Variants in MBTD1 observed in about 807,000 individuals in gnomAD.
The protein encoded by MBTD1 is mbt domain containing 1.
Under a neutral mutation model 87.8 loss-of-function variants are expected in MBTD1, and 24 were observed. The ratio of observed to expected loss-of-function variants is 0.27; its 90% CI spans 0.20 to 0.38. The LOEUF (loss-of-function observed/expected upper bound fraction) is 0.38, where lower values mean the gene tolerates loss of function less well. Among genes scored for constraint, MBTD1 ranks in the 10% least tolerant of loss-of-function variants. The pLI is 1.00. For missense variants in MBTD1, 436 were observed against 760.2 expected, an observed-to-expected ratio of 0.57 and a Z score of 5.02; for synonymous variants, 237 against 248.6, an observed-to-expected ratio of 0.95 and a Z score of 0.44.
intron 2 of MBTD1, among the ~76,000 whole-genome samples, chr17:51,257,745 T>C (rs2055176132): frequency 6.6e-6 from 1 of 152,202 alleles, no homozygotes; most frequent in African/African-American, 2.4e-5. Flanking sequence ...AATTAAAATG[T>C]TAAAAACACT....
intron 6 of MBTD1, chr17:51,209,400 G>A (rs777243671): frequency 8.5e-6 from 4 of 471,060 alleles, no homozygotes; most frequent in African/African-American, 4.0e-5. Context: ...AGGGCCACTC[G>A]TGAGGGCTAT....
At position 51,225,173 on chromosome 17, in the gene MBTD1, CTCT is replaced by C. The variant is rs771881088; in HGVS notation, c.-15_-13del. On this transcript the variant is annotated 5_prime_UTR_variant, in exon 3 of 17. Transcript: ENST00000586178. ...TAACCGTCAAACATCCCGAAAGAATCTCTTCTTTTCCTTTCAGATCGTGAAGAA... is the reference window on the plus strand; with the variant it reads ...TAACCGTCAAACATCCCGAAAGAATCTCTTTTCCTTTCAGATCGTGAAGAA... 3.8e-5 allele frequency: 58 copies of C among 1,537,388 alleles called. No individual in the cohort carries two copies. The South Asian group carries it at 6.7e-4, about 18-fold the overall frequency.
In MBTD1 at chr17:51,259,927, T is replaced by C. The variant is rs1037317624; in HGVS notation, c.-205A>G. The stretch of plus-strand genomic sequence containing the variant: ...GCCCCCTCCCCGGGCTGGGGGCAGG[T>C]GCCTCTCCCCGGGACTGCGGCGACT... On this transcript the variant is annotated 5_prime_UTR_variant, in exon 1 of 17. Coordinates refer to ENST00000586178, the MANE Select transcript of MBTD1 (RefSeq NM_017643.3). 3.0e-5 allele frequency: 36 copies of C among 1,217,252 alleles called. No individual in the cohort carries two copies. Among genetic ancestry groups the C allele is most frequent in the Non-Finnish European group, 3.4e-5 (33 of 974,714 alleles). 75.4% of individuals were successfully genotyped at this position (1,217,252 alleles called of 1,614,324 possible).
At chr17:51,240,277 A>G (rs965579831) in intron 2 of MBTD1, among the ~76,000 whole-genome samples, 1 of 152,218 alleles carries the variant, frequency 6.6e-6, no homozygotes. Context: ...ACTGATAGGT[A>G]CACTGTCATT....
Position 51,259,843 on chromosome 17 carries a change from T to A in MBTD1, c.-121A>T. On this transcript the variant is annotated 5_prime_UTR_variant, in exon 1 of 17. It introduces an in-frame stop codon into an upstream open reading frame of the 5' UTR. Transcript: ENST00000586178. ...CCGCGCTCGGCTCTCACCAGATCCT[T>A]TGTGTTTTCCATCAGGGCCTCATGG... The A allele has an allele frequency of 8.1e-7, 1 of 1,231,774 alleles. No homozygotes were observed. The highest frequency in any genetic ancestry group is 1.0e-6 in the Non-Finnish European group (1 of 987,830). The allele number at this position is 1,231,774 out of a possible 1,614,324, so 76.3% of individuals were successfully genotyped here.
chr17:51,228,756 G>T (rs967090409), intron 2 of MBTD1, among the ~76,000 whole-genome samples: 4 of 151,782 alleles, frequency 2.6e-5, no homozygotes, highest in Admixed American at 6.6e-5. Flanking sequence ...AATTAGCCGG[G>T]AGCAGTGGTA....
chr17:51,233,143 C>T (rs755321970), intron 2 of MBTD1, among the ~76,000 whole-genome samples: 1 of 141,000 alleles, frequency 7.1e-6, no homozygotes, highest in Non-Finnish European at 1.5e-5. Context: ...AAATTAGGCA[C>T]AACAAAAAGG....
chr17:51,251,543 G>A (rs996363899), intron 2 of MBTD1: 1 of 152,056 alleles, frequency 6.6e-6, no homozygotes, highest in Non-Finnish European at 1.5e-5. Context: ...GTGGATCTTT[G>A]TACCTTGTCT....
At chr17:51,210,310 G>A (rs1246641707) in intron 6 of MBTD1, among the ~76,000 whole-genome samples, 1 of 151,730 alleles carries the variant, frequency 6.6e-6, no homozygotes, top group Non-Finnish European at 1.5e-5. Flanking sequence ...CTTTTGATTT[G>A]ATACCAGAAT....
chr17:51,232,744 G>C (rs2053612252), intron 2 of MBTD1, among the ~76,000 whole-genome samples: 1 of 152,000 alleles, frequency 6.6e-6, no homozygotes, highest in Admixed American at 6.6e-5. Flanking sequence ...GCAGAAATGA[G>C]AACATGAATT....
chr17:51,201,870 T>C (rs1357701717), intron 11 of MBTD1, 152 bp downstream of exon 11: 21 of 697,788 alleles, frequency 3.0e-5, no homozygotes, highest in Non-Finnish European at 4.4e-5. Context: ...TAAGAATAAT[T>C]ATAATAAAGA....
rs2050169670 is a variant in MBTD1 at position 51,178,270 on chromosome 17, G to C, written c.*2306C>G. ...GAGTTAGTGTGTGAACAATGAAAGA[G>C]GGCTTTAGGTTGTGTTCAGACTGTA... On this transcript the variant is annotated 3_prime_UTR_variant, in exon 17 of 17. Transcript: ENST00000586178. 6.6e-6 allele frequency: 1 copy of C among 152,174 alleles called. No homozygotes were observed. Among genetic ancestry groups the C allele is most frequent in the African/African-American group, 2.4e-5 (1 of 41,430 alleles). The allele number at this position is 152,174 out of a possible 1,614,324, so 9.4% of individuals were successfully genotyped here.
chr17:51,193,559 A>G (rs767279047), intron 13 of MBTD1, 49 bp from the exon 14 acceptor site: 7 of 1,003,814 alleles, frequency 7.0e-6, no homozygotes. Context: ...AATTAGCATA[A>G]TATTAAAATG....
intron 12 of MBTD1, 44 bp from the exon 13 acceptor site, chr17:51,195,405 C>A: frequency 6.9e-7 from 1 of 1,456,376 alleles, no homozygotes; most frequent in South Asian, 1.4e-5. Flanking sequence ...TTAGATACCA[C>A]TATTATAAAA....
intron 2 of MBTD1, among the ~76,000 whole-genome samples, chr17:51,254,045 C>G (rs887775005): frequency 1.3e-5 from 2 of 152,138 alleles, no homozygotes; most frequent in African/African-American, 4.8e-5. Context: ...CTTCATTATC[C>G]AAACCCACTG....
In MBTD1 at chr17:51,179,661, G is replaced by T. The variant is rs1224238259; in HGVS notation, c.*915C>A. The T allele has an allele frequency of 6.6e-6, 1 of 150,670 alleles. No individual in the cohort carries two copies. Among genetic ancestry groups the T allele is most frequent in the Non-Finnish European group, 1.5e-5 (1 of 67,648 alleles). The allele number at this position is 150,670 out of a possible 1,614,324, so 9.3% of individuals were successfully genotyped here. A position where few individuals can be genotyped will look rare whatever the true frequency, so the allele number is the denominator to read the frequency against. On this transcript the variant is annotated 3_prime_UTR_variant, in exon 17 of 17. Coordinates refer to ENST00000586178, the MANE Select transcript of MBTD1 (RefSeq NM_017643.3). Reference sequence around the variant, plus strand: ...TTTGGCTTTGAATAACTTTCAATTCGATTCTCCTAATACAGAACATCTGTT... The same window carrying T: ...TTTGGCTTTGAATAACTTTCAATTCTATTCTCCTAATACAGAACATCTGTT...
At chr17:51,209,515 T>C (rs1417615471) in intron 6 of MBTD1, 3 of 469,680 alleles carry the variant, frequency 6.4e-6, no homozygotes, top group Non-Finnish European at 1.3e-5. Flanking sequence ...TATGACAACC[T>C]CCACATGACT....
intron 2 of MBTD1, among the ~76,000 whole-genome samples, chr17:51,227,253 A>C (rs1454030588): frequency 2.8e-5 from 1 of 36,098 alleles, no homozygotes; most frequent in Non-Finnish European, 6.4e-5. Context: ...AAAAAAAAAA[A>C]AAAAAAAAAA....
chr17:51,254,802 AC>A (rs1389225017), intron 2 of MBTD1, among the ~76,000 whole-genome samples: 1 of 152,162 alleles, frequency 6.6e-6, no homozygotes, highest in Non-Finnish European at 1.5e-5. Context: ...TTAAGTACAA[AC>A]CTGGAAAGCT....
Sources: allele counts gnomAD v4.1 joint callset (sites outside exome capture counted in the v4.1 genomes callset), GRCh38; gene constraint gnomAD v4.1.1; transcripts MANE v1.5; gene names NCBI Gene and HGNC (gene_info 2026-07-23, HGNC 2026-07-21).